Variants in SPMAP2L observed in about 807,000 individuals in gnomAD.
SPMAP2L encodes the protein sperm microtubule associated protein 2 like, also known as sperm microtubule associated protein 2-like.
chr4:56,584,896 TTGAGTCTGGTTATACATCTAGAAGCAA>T, the SPMAP2L span, among the ~76,000 whole-genome samples: 1 of 152,176 alleles, frequency 6.6e-6, no homozygotes, highest in African/African-American at 2.4e-5. Flanking sequence ...CAGCTGGGAC[TTGAGTCTGGTTATACATCTAGAAGCAA>T]TGAGATATAA....
At chr4:56,563,668 C>T in the SPMAP2L span, among the ~76,000 whole-genome samples, 20 of 152,150 alleles carry the variant, frequency 1.3e-4, no homozygotes, top group South Asian at 3.1e-3. Flanking sequence ...AAAAAGTTAA[C>T]GAACTTTTTC....
At chr4:56,546,092 C>A in the SPMAP2L span, among the ~76,000 whole-genome samples, 1 of 152,142 alleles carries the variant, frequency 6.6e-6, no homozygotes, top group South Asian at 2.1e-4. Flanking sequence ...CCGTGCCCAG[C>A]CACATTTTTT....
the SPMAP2L span, among the ~76,000 whole-genome samples, chr4:56,608,691 A>T: frequency 6.6e-6 from 1 of 152,128 alleles, no homozygotes; most frequent in Non-Finnish European, 1.5e-5. Context: ...CCCCACTAAG[A>T]CAGTGTCTAA....
At chr4:56,546,487 A>G in the SPMAP2L span, among the ~76,000 whole-genome samples, 1 of 152,182 alleles carries the variant, frequency 6.6e-6, no homozygotes, top group African/African-American at 2.4e-5. Context: ...GTAGTTTGTA[A>G]GAGATCTCCA....
chr4:56,592,705 C>T, the SPMAP2L span, among the ~76,000 whole-genome samples: 2 of 151,928 alleles, frequency 1.3e-5, no homozygotes, highest in Non-Finnish European at 2.9e-5. Flanking sequence ...GCCGCGGGGT[C>T]GGGGGCGGCC....
chr4:56,559,654 G>A, the SPMAP2L span: 157 of 885,996 alleles, frequency 1.8e-4, no homozygotes, highest in Non-Finnish European at 2.2e-4. Flanking sequence ...TGCAACCTCC[G>A]CCTCCCAGGT....
the SPMAP2L span, among the ~76,000 whole-genome samples, chr4:56,541,173 A>G: frequency 6.6e-6 from 1 of 152,220 alleles, no homozygotes; most frequent in Non-Finnish European, 1.5e-5. Context: ...ATATAACAAG[A>G]TATTGCCAAA....
chr4:56,581,089 G>T, the SPMAP2L span, among the ~76,000 whole-genome samples: 1 of 152,034 alleles, frequency 6.6e-6, no homozygotes, highest in Non-Finnish European at 1.5e-5. Context: ...AAGTAAGATG[G>T]CTGTTGCAGG....
the SPMAP2L span, among the ~76,000 whole-genome samples, chr4:56,559,873 A>G: frequency 6.6e-6 from 1 of 152,078 alleles, no homozygotes; most frequent in East Asian, 1.9e-4. Context: ...GGCCTTTATC[A>G]GGAGTTCTTA....
At chr4:56,600,822 G>A in the SPMAP2L span, 1 of 1,100,646 alleles carries the variant, frequency 9.1e-7, no homozygotes, top group South Asian at 1.6e-5. Flanking sequence ...TTACGAGTCT[G>A]TTGCAGTAAT....
At chr4:56,615,361 T>C in the SPMAP2L span, among the ~76,000 whole-genome samples, 1 of 152,232 alleles carries the variant, frequency 6.6e-6, no homozygotes, top group African/African-American at 2.4e-5. Context: ...ATCAGTCATC[T>C]CTTCTGTAGG....
the SPMAP2L span, among the ~76,000 whole-genome samples, chr4:56,533,006 T>G: frequency 6.6e-6 from 1 of 152,232 alleles, no homozygotes; most frequent in Admixed American, 6.5e-5. Context: ...CCATTGATCC[T>G]ATGAACTTTT....
the SPMAP2L span, among the ~76,000 whole-genome samples, chr4:56,546,818 A>G: frequency 1.3e-5 from 2 of 150,968 alleles, no homozygotes; most frequent in East Asian, 4.0e-4. Context: ...TAAAAAGCCC[A>G]TAGAATAAGT....
At chr4:56,569,310 A>G in the SPMAP2L span, among the ~76,000 whole-genome samples, 1 of 152,164 alleles carries the variant, frequency 6.6e-6, no homozygotes, top group Non-Finnish European at 1.5e-5. Context: ...ATCCTTACCA[A>G]CACTTGTTAT....
chr4:56,543,210 A>C, the SPMAP2L span, among the ~76,000 whole-genome samples: 1 of 151,580 alleles, frequency 6.6e-6, no homozygotes, highest in Non-Finnish European at 1.5e-5. Context: ...CAGCCTCCCG[A>C]GTAGCTGGGA....
the SPMAP2L span, among the ~76,000 whole-genome samples, chr4:56,531,656 A>G: frequency 1.3e-5 from 2 of 152,326 alleles, no homozygotes; most frequent in South Asian, 2.1e-4. Context: ...TCATTGAGCA[A>G]GTATTCAAAG....
chr4:56,600,175 G>T, the SPMAP2L span, among the ~76,000 whole-genome samples: 1 of 143,956 alleles, frequency 6.9e-6, no homozygotes, highest in Non-Finnish European at 1.5e-5. Context: ...GAACTCCTGG[G>T]CTCAAATGAT....
chr4:56,603,001 T>G, the SPMAP2L span, among the ~76,000 whole-genome samples: 1 of 152,210 alleles, frequency 6.6e-6, no homozygotes, highest in East Asian at 1.9e-4. Context: ...TTTTGGAATC[T>G]GAGAGACATA....
the SPMAP2L span, among the ~76,000 whole-genome samples, chr4:56,570,797 ATTATTTAT>A: frequency 6.6e-6 from 1 of 151,642 alleles, no homozygotes; most frequent in Non-Finnish European, 1.5e-5. Context: ...TAAAATTTTT[ATTATTTAT>A]TTATTTATTT....
Sources: allele counts gnomAD v4.1 joint callset (sites outside exome capture counted in the v4.1 genomes callset), GRCh38; gene constraint gnomAD v4.1.1; transcripts MANE v1.5; gene names NCBI Gene and HGNC (gene_info 2026-07-23, HGNC 2026-07-21).